The following ATF2 variants were observed in gnomAD, a reference collection of about 807,000 sequenced individuals.
ATF2 encodes cyclic AMP-dependent transcription factor ATF-2.
A neutral mutation model predicts 60.6 loss-of-function variants in ATF2; 24 were observed. That is an observed-to-expected ratio of 0.40 (90% CI 0.29 to 0.56). The LOEUF is 0.56. Among genes scored for constraint, ATF2 ranks in the 20% least tolerant of loss-of-function variants. The pLI is 0.54. For synonymous variants in ATF2, 206 were observed against 215.4 expected (o/e 0.96, Z 0.38); for missense variants, 433 against 607.7 (o/e 0.71, Z 3.02).
chr2:175,163,669 G>GGT (rs113186881), intron 1 of ATF2, among the ~76,000 whole-genome samples: 137,291 of 151,816 alleles, frequency 0.9, 62,156 homozygotes, highest in East Asian at 1. Context: ...AATGATGCTG[G>GGT]GTGGTGGCTC....
At chr2:175,131,415 G>C (rs1486288347) in intron 3 of ATF2, among the ~76,000 whole-genome samples, 1 of 152,190 alleles carries the variant, frequency 6.6e-6, no homozygotes, top group African/African-American at 2.4e-5. Flanking sequence ...AGTTAAGACT[G>C]AGGCAGACAC....
intron 1 of ATF2, among the ~76,000 whole-genome samples, chr2:175,159,261 G>A (rs1574508641): frequency 6.6e-6 from 1 of 151,884 alleles, no homozygotes; most frequent in African/African-American, 2.4e-5. Context: ...GGAGGGTTCA[G>A]TGAGCTGAGA....
intron 2 of ATF2, among the ~76,000 whole-genome samples, chr2:175,142,429 A>T (rs1698609834): frequency 6.6e-6 from 1 of 151,932 alleles, no homozygotes; most frequent in East Asian, 1.9e-4. Flanking sequence ...GGCCTCCCAA[A>T]GTGCTGGGAT....
Position 175,162,838 on chromosome 2 carries a change from A to T in ATF2, c.-143+5212T>A, listed in dbSNP as rs190521833. Among the ~76,000 whole-genome samples the T allele has an allele frequency of 1.2e-3, 188 of 152,362 alleles. 2 individuals carry two copies. Among genetic ancestry groups the T allele is most frequent in the South Asian group, 9.7e-3 (47 of 4,828 alleles). ...ATAAAAAAATTGTTCCGACACGTTT[A>T]ATAAATAAAAGCAGGCTGGGTGCAG... On this transcript the variant is annotated intron_variant, in intron 1 of 13. Coordinates refer to ENST00000264110, the MANE Select transcript of ATF2 (RefSeq NM_001880.4).
intron 10 of ATF2, among the ~76,000 whole-genome samples, chr2:175,102,286 A>C (rs1695363692): frequency 6.6e-6 from 1 of 152,176 alleles, no homozygotes. Context: ...ACATATTCTA[A>C]ACAAAAGCTT....
chr2:175,119,804 G>C (rs1218705536), intron 5 of ATF2, among the ~76,000 whole-genome samples: 1 of 151,430 alleles, frequency 6.6e-6, no homozygotes, highest in Non-Finnish European at 1.5e-5. Flanking sequence ...TTCATCAGAA[G>C]GCTCTTAACT....
chr2:175,148,979 G>C (rs1699129609), intron 2 of ATF2, among the ~76,000 whole-genome samples: 1 of 152,232 alleles, frequency 6.6e-6, no homozygotes, highest in South Asian at 2.1e-4. Context: ...TTGGGCACAT[G>C]TTCTCAGGGT....
intron 12 of ATF2, among the ~76,000 whole-genome samples, chr2:175,081,572 A>C (rs182031670): frequency 1.6e-4 from 24 of 152,322 alleles, no homozygotes; most frequent in African/African-American, 5.8e-4. Flanking sequence ...AATTTAATAA[A>C]CTGGTAATAT....
chr2:175,091,681 G>A (rs1051508515), intron 12 of ATF2, among the ~76,000 whole-genome samples: 3 of 151,988 alleles, frequency 2.0e-5, no homozygotes, highest in African/African-American at 7.2e-5. Context: ...TGGCCAACAT[G>A]GTGAAACCCC....
At chr2:175,080,969 T>C (rs958325923) in intron 12 of ATF2, among the ~76,000 whole-genome samples, 4 of 152,178 alleles carry the variant, frequency 2.6e-5, no homozygotes, top group African/African-American at 9.6e-5. Flanking sequence ...TGAATAAAAA[T>C]TTAAGATAAT....
chr2:175,099,454 G>A (rs1695167521), intron 10 of ATF2, among the ~76,000 whole-genome samples: 1 of 151,932 alleles, frequency 6.6e-6, no homozygotes, highest in East Asian at 1.9e-4. Context: ...CCTACAATCA[G>A]GATACACAGC....
intron 2 of ATF2, among the ~76,000 whole-genome samples, chr2:175,140,744 T>G (rs1698446538): frequency 6.6e-6 from 1 of 151,010 alleles, no homozygotes; most frequent in South Asian, 2.1e-4. Context: ...ATGATAGCAC[T>G]TTGGGGTGCC....
At position 175,073,812 on chromosome 2, in the gene ATF2, T is replaced by A. The variant is rs1026414633; in HGVS notation, c.*797A>T. On this transcript the variant is annotated 3_prime_UTR_variant, in exon 14 of 14. Coordinates refer to ENST00000264110, the MANE Select transcript of ATF2 (RefSeq NM_001880.4). Reference sequence around the variant, plus strand: ...AACAAGAGCTAATTTCAAAAATTATTAGATATTTGATAACCCTGTATCATA... The same window carrying A: ...AACAAGAGCTAATTTCAAAAATTATAAGATATTTGATAACCCTGTATCATA... The A allele has an allele frequency of 3.4e-4, 52 of 152,162 alleles. No individual in the cohort carries two copies. Among genetic ancestry groups the A allele is most frequent in the African/African-American group, 1.2e-3 (49 of 41,458 alleles). 9.4% of individuals were successfully genotyped at this position (152,162 alleles called of 1,614,324 possible). A position where few individuals can be genotyped will look rare whatever the true frequency, so the allele number is the denominator to read the frequency against.
At chr2:175,137,174 T>G (rs575364152) in intron 2 of ATF2, among the ~76,000 whole-genome samples, 59 of 152,252 alleles carry the variant, frequency 3.9e-4, no homozygotes, top group Admixed American at 3.2e-3. Context: ...TCAGAAAAAT[T>G]TGGTAATTCT....
At chr2:175,102,185 C>A (rs773050462) in intron 10 of ATF2, among the ~76,000 whole-genome samples, 2 of 152,126 alleles carry the variant, frequency 1.3e-5, no homozygotes, top group Non-Finnish European at 2.9e-5. Context: ...CTTACAGATA[C>A]AGAAACTCCA....
chr2:175,160,555 C>A (rs1699954247), intron 1 of ATF2, among the ~76,000 whole-genome samples: 1 of 152,164 alleles, frequency 6.6e-6, no homozygotes, highest in Admixed American at 6.5e-5. Context: ...TAAAACCTAC[C>A]TTACAAATGA....
intron 13 of ATF2, among the ~76,000 whole-genome samples, chr2:175,079,197 A>T (rs1426243025): frequency 6.6e-6 from 1 of 152,190 alleles, no homozygotes; most frequent in African/African-American, 2.4e-5. Context: ...AATAGAGTCA[A>T]AACTGTTGGG....
intron 10 of ATF2, among the ~76,000 whole-genome samples, chr2:175,101,827 GA>G (rs1695331745): frequency 6.6e-6 from 1 of 152,154 alleles, no homozygotes; most frequent in Admixed American, 6.5e-5. Context: ...GGTCTGACTT[GA>G]AAAGTATGCC....
intron 11 of ATF2, among the ~76,000 whole-genome samples, chr2:175,094,190 C>T (rs1454029643): frequency 2.0e-5 from 3 of 151,920 alleles, no homozygotes; most frequent in East Asian, 1.9e-4. Flanking sequence ...GTCAGGAGTT[C>T]GAGACCAGCC....
Sources: gnomAD v4.1 joint callset for allele counts (sites outside exome capture counted in the v4.1 genomes callset) on GRCh38, gnomAD v4.1.1 for gene constraint, MANE v1.5 for transcripts, NCBI Gene and HGNC (gene_info 2026-07-23, HGNC 2026-07-21) for gene names.